Variants in UBE4A observed in about 807,000 individuals in gnomAD.
UBE4A encodes the protein ubiquitination factor E4A.
A neutral mutation model predicts 117.9 loss-of-function variants in UBE4A; 48 were observed. The ratio of observed to expected loss-of-function variants is 0.41; its 90% confidence interval spans 0.32 to 0.52. UBE4A has a LOEUF of 0.52. Among genes scored for constraint, UBE4A ranks in the 20% least tolerant of loss-of-function variants. UBE4A has a pLI of 0.33. For missense variants in UBE4A, 1,067 were observed against 1,296.3 expected, an observed-to-expected ratio of 0.82 and a Z score of 2.72; for synonymous variants, 407 against 450.0, an observed-to-expected ratio of 0.90 and a Z score of 1.21.
At chr11:118,364,745 C>T (rs1267540702) in intron 1 of UBE4A, among the ~76,000 whole-genome samples, 1 of 151,890 alleles carries the variant, frequency 6.6e-6, no homozygotes, top group Non-Finnish European at 1.5e-5. Context: ...TCTACTTAAC[C>T]TGTTTTCTTA....
At chr11:118,391,813 A>T (rs1334835662) in intron 18 of UBE4A, among the ~76,000 whole-genome samples, 33 of 151,774 alleles carry the variant, frequency 2.2e-4, no homozygotes, top group Non-Finnish European at 1.5e-4. Flanking sequence ...AAAAAAAAAA[A>T]TTTAAGAAAC....
At chr11:118,360,982 A>G (rs543123215) in intron 1 of UBE4A, among the ~76,000 whole-genome samples, 23 of 141,704 alleles carry the variant, frequency 1.6e-4, no homozygotes, top group Non-Finnish European at 2.4e-4. Flanking sequence ...ATATGTATGT[A>G]TATATGTGTG....
rs1555130158 is a variant in UBE4A, at chr11:118,398,093, C to CT, written c.*1654dup. On this transcript the variant is annotated 3_prime_UTR_variant, in exon 20 of 20. Transcript: ENST00000252108. ...CCTCCTTTCCCTCTCTGAGAATGAA[C>CT]TATGTATAAAATAAGCTTCTGCCTA... The CT allele has an allele frequency of 6.6e-6, 1 of 152,466 alleles. No individual in the cohort carries two copies. The allele number at this position is 152,466 out of a possible 1,614,324, so 9.4% of individuals were successfully genotyped here.
chr11:118,379,423 C>T (rs1555125890), intron 10 of UBE4A, 23 bp from the exon 11 acceptor site: 1 of 1,604,030 alleles, frequency 6.2e-7, no homozygotes, highest in South Asian at 1.1e-5. Flanking sequence ...CTGACCCAGT[C>T]TCTTCTGCTT....
chr11:118,362,171 G>A (rs1351442431), intron 1 of UBE4A, among the ~76,000 whole-genome samples: 2 of 152,164 alleles, frequency 1.3e-5, no homozygotes, highest in Non-Finnish European at 2.9e-5. Context: ...GCCCAGGCTG[G>A]AGTGCAGTGG....
intron 15 of UBE4A, 23 bp downstream of exon 15, chr11:118,384,968 AGAT>A: frequency 2.9e-6 from 4 of 1,358,450 alleles, no homozygotes; most frequent in Non-Finnish European, 4.1e-6. Flanking sequence ...AAAAAAAAAA[AGAT>A]TTAACTTCTC....
At chr11:118,390,864 T>C in intron 18 of UBE4A, 60 bp downstream of exon 18, 2 of 1,586,768 alleles carry the variant, frequency 1.3e-6, no homozygotes, top group Non-Finnish European at 1.7e-6. Context: ...CAGCCAGGCA[T>C]GATGGCTCAA....
intron 1 of UBE4A, among the ~76,000 whole-genome samples, chr11:118,362,835 C>T (rs1196291966): frequency 6.6e-6 from 1 of 152,194 alleles, no homozygotes; most frequent in African/African-American, 2.4e-5. Context: ...ACTCCTGGAT[C>T]AGTTGCTTTG....
chr11:118,393,479 T>C (rs574716930), intron 19 of UBE4A, among the ~76,000 whole-genome samples: 90 of 152,116 alleles, frequency 5.9e-4, no homozygotes, highest in African/African-American at 2.0e-3. Flanking sequence ...TTGTATTTTT[T>C]GTAGAGACAG....
Position 118,374,959 on chromosome 11 carries a change from GAAACC to G in UBE4A, c.1185_1189del (p.Lys396LeufsTer64), listed in dbSNP as rs782429033. 4 of 1,588,814 alleles carry G rather than the reference GAAACC, an allele frequency of 2.5e-6. No individual in the cohort carries two copies. The Admixed American group carries it at 6.9e-5, about 27-fold the overall frequency. On this transcript the variant is annotated frameshift_variant, in exon 9 of 20. Coordinates refer to ENST00000252108, the MANE Select transcript of UBE4A (RefSeq NM_001204077.2). LOFTEE classifies it high-confidence loss of function. Reference sequence around the variant, plus strand: ...GAAGAACTTACTCCAGCTCTCTCCAGAAACCAAACACTGTATCTTGTCCTGGCTTG... The same window carrying G: ...GAAGAACTTACTCCAGCTCTCTCCAGAAACACTGTATCTTGTCCTGGCTTG...
chr11:118,388,846 G>A (rs1322111321), intron 16 of UBE4A, among the ~76,000 whole-genome samples: 1 of 152,184 alleles, frequency 6.6e-6, no homozygotes, highest in Non-Finnish European at 1.5e-5. Context: ...GCTCACACCT[G>A]TAATCTCAGC....
At chr11:118,361,965 G>A (rs1030234346) in intron 1 of UBE4A, among the ~76,000 whole-genome samples, 2 of 152,220 alleles carry the variant, frequency 1.3e-5, no homozygotes, top group African/African-American at 4.8e-5. Context: ...TAGAAGATCT[G>A]CTTAGAAATA....
chr11:118,374,660 T>C (rs1412281459), intron 8 of UBE4A, among the ~76,000 whole-genome samples: 3 of 152,092 alleles, frequency 2.0e-5, no homozygotes, highest in Admixed American at 6.6e-5. Context: ...GCAGAAAAAA[T>C]TTACAGACCT....
At chr11:118,385,052 A>G (rs561584170) in intron 15 of UBE4A, 107 bp downstream of exon 15, 1 of 1,004,666 alleles carries the variant, frequency 1.0e-6, no homozygotes, top group Non-Finnish European at 1.5e-6. Context: ...TTATGCCCCT[A>G]GTACCAGACT....
At chr11:118,364,234 A>ATTCT (rs1378905947) in intron 1 of UBE4A, among the ~76,000 whole-genome samples, 1 of 152,056 alleles carries the variant, frequency 6.6e-6, no homozygotes, top group Non-Finnish European at 1.5e-5. Flanking sequence ...TGTAATCAGA[A>ATTCT]GAGTGTGAAT....
rs1224895819 is a variant in UBE4A at position 118,381,393 on chromosome 11, T to C, written c.1879T>C (p.Phe627Leu). ...CCAGTGAATATTTTCTTTTTCAGAA[T>C]TTTTTGCAGATAACCTGGGTGATTT... ...GYSSLAYVPEFFADNLGDFLI... is the reference protein window; with the variant it reads ...GYSSLAYVPELFADNLGDFLI... Residue 627 changes from phenylalanine to leucine, a missense_variant and splice_region_variant, in exon 12 of 20, where the codon TTT (phenylalanine) becomes CTT (leucine). Phe to Leu is a conservative substitution (Grantham distance 22). Coordinates refer to ENST00000252108, the MANE Select transcript of UBE4A (RefSeq NM_001204077.2). 2 of 1,613,930 alleles carry C rather than the reference T, an allele frequency of 1.2e-6. No individual in the cohort carries two copies. The highest frequency in any genetic ancestry group is 1.7e-6 in the Non-Finnish European group (2 of 1,179,940).
chr11:118,372,560 C>G lies in UBE4A; in HGVS notation c.615C>G (p.Leu205=). The change falls in exon 6 of 20, where the codon CTC becomes CTG. Residue 205 remains leucine, a synonymous_variant. Coordinates refer to ENST00000252108, the MANE Select transcript of UBE4A (RefSeq NM_001204077.2). ...CCTTTGCAGTGCAGTGCAGAAACCTCACTGTGTCCAATACCCGAACAGTTC... is the reference window on the plus strand; with the variant it reads ...CCTTTGCAGTGCAGTGCAGAAACCTGACTGTGTCCAATACCCGAACAGTTC... The part of the protein sequence containing the change: ...LLPFAVQCRN[L]TVSNTRTVLL... 1 of 1,614,078 alleles carries G rather than the reference C, an allele frequency of 6.2e-7. No homozygotes were observed. The highest frequency in any genetic ancestry group is 8.5e-7 in the Non-Finnish European group (1 of 1,180,028).
In UBE4A at chr11:118,379,523, C is replaced by A; in HGVS notation, c.1649C>A (p.Ser550Tyr). 6.2e-7 allele frequency: 1 copy of A among 1,614,200 alleles called. No homozygotes were observed. Among genetic ancestry groups the A allele is most frequent in the Non-Finnish European group, 8.5e-7 (1 of 1,180,026 alleles). Residue 550 changes from serine to tyrosine, a missense_variant, in exon 11 of 20, where the codon TCT (serine) becomes TAT (tyrosine). Around this residue, in one of 3 missense-constraint regions of UBE4A, gnomAD observed 1,001 missense variants for 1,184.0 expected, o/e 0.85. Coordinates refer to ENST00000252108, the MANE Select transcript of UBE4A (RefSeq NM_001204077.2). ...GCCTGGCGGGATGCTCAGCAAAGTT[C>A]TAGCCCTGCTGCTGACAATCTTCGT... The part of the protein sequence containing the change: ...QVAWRDAQQS[S>Y]SPAADNLREQ...
chr11:118,371,257 AC>A (rs2134090800), intron 4 of UBE4A, among the ~76,000 whole-genome samples: 1 of 152,320 alleles, frequency 6.6e-6, no homozygotes, highest in Admixed American at 6.5e-5. Flanking sequence ...GCACCATTCA[AC>A]AAATAGTCTT....
Sources: allele counts gnomAD v4.1 joint callset (sites outside exome capture counted in the v4.1 genomes callset), GRCh38; gene constraint gnomAD v4.1.1; regional missense constraint gnomAD v4.1.1; transcripts MANE v1.5; gene names NCBI Gene and HGNC (gene_info 2026-07-23, HGNC 2026-07-21).